The following RHBDL3 variants were observed in gnomAD, a reference collection of about 807,000 sequenced individuals.
The protein encoded by RHBDL3 is rhomboid-related protein 3.
RHBDL3 carries 28 observed loss-of-function variants against 48.2 expected under a neutral mutation model. That is an observed-to-expected ratio of 0.58 (90% CI 0.43 to 0.80). RHBDL3 has a LOEUF of 0.80. RHBDL3 is among the 30% of genes least tolerant of loss of function. RHBDL3 has a pLI of 0.00. For missense variants in RHBDL3, 464 were observed against 542.7 expected (o/e 0.85, Z 1.44); for synonymous variants, 208 against 232.3 (o/e 0.90, Z 0.95).
At chr17:32,306,468 G>A (rs8078949) in intron 7 of RHBDL3, among the ~76,000 whole-genome samples, 4,907 of 152,228 alleles carry the variant, frequency 0.032, 269 homozygotes, top group African/African-American at 0.11. Context: ...ATGGGAGGGG[G>A]GCACCACTCC....
chr17:32,291,020 A>AT, intron 4 of RHBDL3, among the ~76,000 whole-genome samples: 1 of 150,818 alleles, frequency 6.6e-6, no homozygotes, highest in South Asian at 2.1e-4. Flanking sequence ...AAAAAAAAAA[A>AT]AGGAAAAGAA....
At chr17:32,284,614 G>T in intron 2 of RHBDL3, 45 bp from the exon 3 acceptor site, 1 of 1,595,080 alleles carries the variant, frequency 6.3e-7, no homozygotes, top group Non-Finnish European at 8.6e-7. Context: ...GTGTGAAGAG[G>T]AGGTGGTGCC....
intron 2 of RHBDL3, among the ~76,000 whole-genome samples, chr17:32,283,540 G>T (rs181316745): frequency 4.6e-5 from 7 of 151,636 alleles, no homozygotes; most frequent in Non-Finnish European, 1.0e-4. Flanking sequence ...AGCCAGGATG[G>T]TCTCCATCTC....
At chr17:32,287,476 C>G (rs1212185834) in intron 3 of RHBDL3, among the ~76,000 whole-genome samples, 2 of 152,306 alleles carry the variant, frequency 1.3e-5, no homozygotes, top group Non-Finnish European at 2.9e-5. Context: ...AAAGGTTCAT[C>G]TGGGATGGCC....
chr17:32,291,986 G>C (rs2040342101), intron 4 of RHBDL3, among the ~76,000 whole-genome samples: 1 of 151,880 alleles, frequency 6.6e-6, no homozygotes, highest in Admixed American at 6.6e-5. Flanking sequence ...TGGTCAGTCT[G>C]GTCTCAAACT....
At chr17:32,302,291 T>C (rs1249226694) in intron 6 of RHBDL3, among the ~76,000 whole-genome samples, 1 of 152,204 alleles carries the variant, frequency 6.6e-6, no homozygotes, top group African/African-American at 2.4e-5. Flanking sequence ...TGTTTGTCTT[T>C]GGTCTCTCCC....
Position 32,269,064 on chromosome 17 carries a change from G to A in RHBDL3, c.135+1139G>A, listed in dbSNP as rs915538093. On this transcript the variant is annotated intron_variant, in intron 2 of 8. Coordinates refer to ENST00000269051, the MANE Select transcript of RHBDL3 (RefSeq NM_138328.3). ...ACCTAGGAGGGAAAGAAGTTGGAGT[G>A]GGGCCAGGTGTGGTGACTCACGCTT... Among the ~76,000 whole-genome samples, 5 of 152,122 alleles carry A rather than the reference G, an allele frequency of 3.3e-5. No individual in the cohort carries two copies. In the East Asian group the frequency reaches 9.6e-4, roughly 29 times the overall value.
chr17:32,314,213 G>A (rs1294880150), intron 7 of RHBDL3, among the ~76,000 whole-genome samples: 2 of 152,156 alleles, frequency 1.3e-5, no homozygotes, highest in Non-Finnish European at 2.9e-5. Flanking sequence ...TGAAGAAGGG[G>A]TGGCCGGTCA....
chr17:32,273,741 TTTTG>T (rs1056202673), intron 2 of RHBDL3, among the ~76,000 whole-genome samples: 1 of 152,122 alleles, frequency 6.6e-6, no homozygotes, highest in African/African-American at 2.4e-5. Flanking sequence ...TTTTTTGTTT[TTTTG>T]TTTGTTTTGA....
chr17:32,307,123 G>A (rs767522425), intron 7 of RHBDL3, among the ~76,000 whole-genome samples: 32 of 151,986 alleles, frequency 2.1e-4, no homozygotes, highest in Middle Eastern at 3.2e-3. Context: ...TTTTGGAGGC[G>A]GTCTGAAGTC....
Position 32,294,501 on chromosome 17 carries a change from G to A in RHBDL3, c.668+59G>A, listed in dbSNP as rs1024483296. The A allele has an allele frequency of 8.3e-6, 12 of 1,451,882 alleles. No individual in the cohort carries two copies. The African/African-American group carries it at 1.7e-4, about 21-fold the overall frequency. The allele number at this position is 1,451,882 out of a possible 1,614,324, so 89.9% of individuals were successfully genotyped here. A position where few individuals can be genotyped will look rare whatever the true frequency, so the allele number is the denominator to read the frequency against. On this transcript the variant is annotated intron_variant, in intron 5 of 8. Coordinates refer to ENST00000269051, the MANE Select transcript of RHBDL3 (RefSeq NM_138328.3). ...ACCCTACAGAAAAATAAGTGGTCAAGATAGCCTGGATTGAAATATAGTTTT... is the reference window on the plus strand; with the variant it reads ...ACCCTACAGAAAAATAAGTGGTCAAAATAGCCTGGATTGAAATATAGTTTT...
chr17:32,308,308 C>T (rs1298614716), intron 7 of RHBDL3, among the ~76,000 whole-genome samples: 1 of 152,128 alleles, frequency 6.6e-6, no homozygotes, highest in African/African-American at 2.4e-5. Context: ...GTGGGTTGGG[C>T]GCGCTGGCTC....
intron 4 of RHBDL3, among the ~76,000 whole-genome samples, chr17:32,289,290 C>G (rs966817463): frequency 2.6e-5 from 4 of 152,142 alleles, no homozygotes; most frequent in African/African-American, 9.7e-5. Flanking sequence ...ACCACTACCC[C>G]CCACCCACCC....
At chr17:32,285,443 C>T (rs1386699755) in intron 3 of RHBDL3, among the ~76,000 whole-genome samples, 1 of 151,970 alleles carries the variant, frequency 6.6e-6, no homozygotes, top group Admixed American at 6.6e-5. Context: ...AGCCAGAGCT[C>T]AGCATATCTG....
intron 3 of RHBDL3, 124 bp from the exon 4 acceptor site, chr17:32,288,668 C>A: frequency 1.5e-6 from 1 of 667,814 alleles, no homozygotes; most frequent in Non-Finnish European, 2.6e-6. Flanking sequence ...TTCTTATTAA[C>A]AATTATAGGA....
chr17:32,309,920 C>T lies in RHBDL3; in HGVS notation c.882+4479C>T, dbSNP rs369119985. On this transcript the variant is annotated intron_variant, in intron 7 of 8. Coordinates refer to ENST00000269051, the MANE Select transcript of RHBDL3 (RefSeq NM_138328.3). The stretch of plus-strand genomic sequence containing the variant: ...TCAGCCCCCCGAGTAGCTGGGACCA[C>T]GGGCTCGTGCCACCATGCCTAGCTA... 1.3e-4 allele frequency among the ~76,000 whole-genome samples: 19 copies of T among 151,794 alleles called. No homozygotes were observed. The East Asian group carries it at 2.4e-3, about 19-fold the overall frequency.
At chr17:32,287,690 T>A (rs1044721093) in intron 3 of RHBDL3, among the ~76,000 whole-genome samples, 3 of 152,178 alleles carry the variant, frequency 2.0e-5, no homozygotes, top group Non-Finnish European at 2.9e-5. Flanking sequence ...CCCACAGGGC[T>A]CCTGCCTTCG....
chr17:32,295,518 G>C (rs1005227357), intron 5 of RHBDL3, among the ~76,000 whole-genome samples: 6 of 152,198 alleles, frequency 3.9e-5, no homozygotes, highest in African/African-American at 1.4e-4. Flanking sequence ...CATGAGCCAG[G>C]GGTGACAACA....
At chr17:32,296,242 C>CA (rs61503250) in intron 5 of RHBDL3, among the ~76,000 whole-genome samples, 1,839 of 90,380 alleles carry the variant, frequency 0.02, 33 homozygotes, top group African/African-American at 0.05. Context: ...GACTCCATCT[C>CA]AAAAAAAAAA....
Sources: allele counts gnomAD v4.1 joint callset (sites outside exome capture counted in the v4.1 genomes callset), GRCh38; gene constraint gnomAD v4.1.1; transcripts MANE v1.5; gene names NCBI Gene and HGNC (gene_info 2026-07-23, HGNC 2026-07-21).